The following CACNA1C variants were observed in gnomAD, a reference collection of about 807,000 sequenced individuals.
CACNA1C encodes the protein calcium voltage-gated channel subunit alpha1 C.
A neutral mutation model predicts 229.0 loss-of-function variants in CACNA1C; 30 were observed. That is an observed-to-expected ratio of 0.13 (90% confidence interval 0.10 to 0.18). The LOEUF is 0.18. Among genes scored for constraint, CACNA1C ranks in the 10% least tolerant of loss-of-function variants. CACNA1C has a pLI of 1.00. For synonymous variants in CACNA1C, 1,114 were observed against 1,132.5 expected, an observed-to-expected ratio of 0.98 and a Z score of 0.33; for missense variants, 1,658 against 2,845.0, an observed-to-expected ratio of 0.58 and a Z score of 9.49.
intron 37 of CACNA1C, 22 bp from the exon 38 acceptor site, chr12:2,668,911 C>CTT (rs1379879782): frequency 6.4e-7 from 1 of 1,572,240 alleles, no homozygotes; most frequent in East Asian, 2.2e-5. Flanking sequence ...TCATCACCAG[C>CTT]TTTGCTTCTC....
At position 2,666,717 on chromosome 12, in the gene CACNA1C, C is replaced by G. The variant is rs1032623545; in HGVS notation, c.4558C>G (p.Leu1520Val). The part of the protein sequence containing the change: ...GRIKHLDVVT[L>V]LRRIQPPLGF... Reference sequence around the variant, plus strand: ...TATCAAACACCTGGATGTGGTGACCCTCCTCCGGCGGATTCAGCCGCCACT... The same window carrying G: ...TATCAAACACCTGGATGTGGTGACCGTCCTCCGGCGGATTCAGCCGCCACT... Residue 1520 changes from leucine (L) to valine (V), a missense_variant, in exon 37 of 47, where the codon CTC (leucine) becomes GTC (valine). This residue lies in a region of CACNA1C where 151 missense variants were observed against 344.4 expected (regional missense o/e 0.44). Transcript: ENST00000399655. This position sits in a 1 kb window ranked among gnomAD's most constrained non-coding sequence, Gnocchi z 5.3. 3 of 1,601,166 alleles carry G rather than the reference C, an allele frequency of 1.9e-6. No individual in the cohort carries two copies. The highest frequency in any genetic ancestry group is 1.1e-5 in the South Asian group (1 of 88,304).
intron 3 of CACNA1C, among the ~76,000 whole-genome samples, chr12:2,139,722 T>C (rs2093950591): frequency 6.6e-6 from 1 of 151,254 alleles, no homozygotes. Context: ...AGTTATATCT[T>C]AGTCCTGCAG....
At chr12:2,014,556 T>G (rs1593698315) in intron 1 of CACNA1C, among the ~76,000 whole-genome samples, 1 of 152,032 alleles carries the variant, frequency 6.6e-6, no homozygotes, top group Non-Finnish European at 1.5e-5. Context: ...ACGGGGAAAA[T>G]GGACACATAA....
rs1367960694 is a variant in CACNA1C, at chr12:2,680,433, T to C, written c.5444+637T>C. On this transcript the variant is annotated intron_variant, in intron 42 of 46. Coordinates refer to ENST00000399655, the MANE Select transcript of CACNA1C (RefSeq NM_000719.7). ...CCTGGGCCCCCGCAGGGCTCCTCCCTGTCTGCATCAGCAGCTCCAGGGTTC... is the reference window on the plus strand; with the variant it reads ...CCTGGGCCCCCGCAGGGCTCCTCCCCGTCTGCATCAGCAGCTCCAGGGTTC... 3.8e-6 allele frequency: 6 copies of C among 1,561,720 alleles called. No individual in the cohort carries two copies. The South Asian group carries it at 4.7e-5, about 12-fold the overall frequency.
At chr12:2,167,793 A>G (rs1000471167) in intron 3 of CACNA1C, among the ~76,000 whole-genome samples, 9 of 152,092 alleles carry the variant, frequency 5.9e-5, no homozygotes, top group African/African-American at 2.2e-4. Context: ...GCAGATTTCT[A>G]TCTAGTTTCT....
At chr12:2,056,927 A>C (rs1594578394) in intron 1 of CACNA1C, among the ~76,000 whole-genome samples, 2 of 152,236 alleles carry the variant, frequency 1.3e-5, no homozygotes, top group African/African-American at 4.8e-5. Flanking sequence ...GCTATTTTAA[A>C]TAGATCACAC....
intron 3 of CACNA1C, among the ~76,000 whole-genome samples, chr12:2,232,930 C>T (rs1324124247): frequency 6.6e-6 from 1 of 152,140 alleles, no homozygotes; most frequent in Non-Finnish European, 1.5e-5. Flanking sequence ...TTGACATACC[C>T]CCAACCTTTC....
At chr12:2,103,272 C>G (rs1453634454) in intron 1 of CACNA1C, among the ~76,000 whole-genome samples, 1 of 152,180 alleles carries the variant, frequency 6.6e-6, no homozygotes, top group Non-Finnish European at 1.5e-5. Context: ...TTAATGATAA[C>G]CATTCTAACT....
chr12:2,085,984 TCTA>T (rs766353892), intron 1 of CACNA1C, among the ~76,000 whole-genome samples: 2 of 152,220 alleles, frequency 1.3e-5, no homozygotes, highest in African/African-American at 2.4e-5. Flanking sequence ...TCAACTGACT[TCTA>T]CTGCTTCTTT....
At position 2,677,385 on chromosome 12, in the gene CACNA1C, G is replaced by T; in HGVS notation, c.4956+164G>T. On this transcript the variant is annotated intron_variant, in intron 40 of 46. Transcript: ENST00000399655. This position sits in a 1 kb window ranked among gnomAD's most constrained non-coding sequence, Gnocchi z 7.4. ...TTCCAAAGATGGCTGTGAGAAGGGG[G>T]TGATGTGCCCTTCCCTACCTGCCAC... The T allele has an allele frequency of 1.3e-6, 1 of 759,602 alleles. No individual in the cohort carries two copies. The highest frequency in any genetic ancestry group is 2.1e-6 in the Non-Finnish European group (1 of 483,982). 47.1% of individuals were successfully genotyped at this position (759,602 alleles called of 1,614,324 possible).
At chr12:1,986,844 G>C (rs2037933772) in intron 1 of CACNA1C, among the ~76,000 whole-genome samples, 1 of 152,136 alleles carries the variant, frequency 6.6e-6, no homozygotes, top group Non-Finnish European at 1.5e-5. Flanking sequence ...AGTTGCTTTT[G>C]TAATCTGCCC....
At chr12:2,129,065 TC>T (rs2091355934) in intron 3 of CACNA1C, among the ~76,000 whole-genome samples, 1 of 152,214 alleles carries the variant, frequency 6.6e-6, no homozygotes, top group Non-Finnish European at 1.5e-5. Flanking sequence ...ACATCACCTT[TC>T]CCACTCATAC....
At chr12:2,046,345 A>T (rs890423819) in intron 1 of CACNA1C, among the ~76,000 whole-genome samples, 2 of 152,192 alleles carry the variant, frequency 1.3e-5, no homozygotes, top group Non-Finnish European at 2.9e-5. Flanking sequence ...GGGCCTTAAC[A>T]AGTAATGAAG....
chr12:2,036,439 T>C (rs2049151912), intron 1 of CACNA1C, among the ~76,000 whole-genome samples: 1 of 152,132 alleles, frequency 6.6e-6, no homozygotes, highest in Non-Finnish European at 1.5e-5. Context: ...AGAGGGCAGT[T>C]GTATGGGACA....
chr12:2,269,782 C>G (rs1350309668), intron 3 of CACNA1C: 4 of 152,000 alleles, frequency 2.6e-5, no homozygotes, highest in Non-Finnish European at 5.9e-5. Flanking sequence ...GCACCCAGGG[C>G]TAAACTTAGA....
intron 29 of CACNA1C, among the ~76,000 whole-genome samples, chr12:2,624,318 C>G (rs2085077422): frequency 6.6e-6 from 1 of 152,138 alleles, no homozygotes; most frequent in African/African-American, 2.4e-5. Context: ...GGGTTCTGCC[C>G]AGTGAAGGAG....
rs1599402185 is a variant in CACNA1C at position 2,215,564 on chromosome 12, A to G, written c.477+95134A>G. On this transcript the variant is annotated intron_variant, in intron 3 of 46. Transcript: ENST00000399655. The surrounding 1 kb of genome is among the most constrained non-coding windows in gnomAD (Gnocchi z 5.0). ...ACAGTCCCTGTCCCCCACACCGTTA[A>G]CACTTTTACATCAGCATTGCACATG... Among the ~76,000 whole-genome samples the G allele has an allele frequency of 1.3e-5, 2 of 152,108 alleles. No individual in the cohort carries two copies. The highest frequency in any genetic ancestry group is 4.8e-5 in the African/African-American group (2 of 41,414).
At chr12:2,286,457 C>G (rs1047609240) in intron 3 of CACNA1C, among the ~76,000 whole-genome samples, 1 of 152,196 alleles carries the variant, frequency 6.6e-6, no homozygotes, top group Non-Finnish European at 1.5e-5. Flanking sequence ...TCTACAGGCT[C>G]TGCACAGTAA....
intron 3 of CACNA1C, among the ~76,000 whole-genome samples, chr12:2,360,173 C>CCCCCCT (rs2097522720): frequency 8.8e-6 from 1 of 113,714 alleles, no homozygotes; most frequent in Non-Finnish European, 1.8e-5. Context: ...CCCACCCCCC[C>CCCCCCT]ACCCCACACA....
Sources: gnomAD v4.1 joint callset for allele counts (sites outside exome capture counted in the v4.1 genomes callset) on GRCh38, gnomAD v4.1.1 for gene constraint, gnomAD v4.1.1 regional missense constraint, Gnocchi (gnomAD v3.1) non-coding constraint, MANE v1.5 for transcripts, NCBI Gene and HGNC (gene_info 2026-07-23, HGNC 2026-07-21) for gene names.